The following CCDC73 variants were observed in gnomAD, a reference collection of about 807,000 sequenced individuals.
CCDC73 encodes the protein coiled-coil domain-containing protein 73.
A neutral mutation model predicts 116.5 loss-of-function variants in CCDC73; 95 were observed. The observed-to-expected ratio is 0.82, with a 90% CI of 0.69 to 0.97. The LOEUF (loss-of-function observed/expected upper bound fraction) is 0.97, where lower values mean the gene tolerates loss of function less well. Among genes scored for constraint, CCDC73 ranks in the 50% least tolerant of loss-of-function variants. CCDC73 has a pLI of 0.00. For synonymous variants in CCDC73, 398 were observed against 401.3 expected, an observed-to-expected ratio of 0.99 and a Z score of 0.10; for missense variants, 1,066 against 1,206.8, an observed-to-expected ratio of 0.88 and a Z score of 1.73.
chr11:32,626,460 G>T (rs1490816390), intron 14 of CCDC73, among the ~76,000 whole-genome samples: 3 of 151,958 alleles, frequency 2.0e-5, no homozygotes, highest in African/African-American at 7.3e-5. Flanking sequence ...TTTCTTCACA[G>T]AATTGGAAAA....
chr11:32,829,743 G>C, the CCDC73 span: 1 of 984,274 alleles, frequency 1.0e-6, no homozygotes, highest in Non-Finnish European at 1.2e-6. Flanking sequence ...CCGCCAAGGC[G>C]GGGCCAGAAC....
intron 2 of CCDC73, among the ~76,000 whole-genome samples, chr11:32,742,121 G>T (rs142550751): frequency 1.3e-5 from 2 of 152,074 alleles, no homozygotes; most frequent in African/African-American, 4.8e-5. Context: ...ATAAACATAC[G>T]TGTGCATGTG....
chr11:32,763,055 C>T (rs1417498959), intron 1 of CCDC73, among the ~76,000 whole-genome samples: 1 of 152,172 alleles, frequency 6.6e-6, no homozygotes, highest in Non-Finnish European at 1.5e-5. Context: ...TGAGGAAGGG[C>T]GCCCACCATT....
chr11:32,634,897 G>A (rs1855664206), intron 14 of CCDC73, among the ~76,000 whole-genome samples: 1 of 152,182 alleles, frequency 6.6e-6, no homozygotes, highest in Non-Finnish European at 1.5e-5. Flanking sequence ...TGAAGTGGGA[G>A]CATCACTTGA....
upstream of CCDC73, among the ~76,000 whole-genome samples, chr11:32,795,928 G>T (rs971930379): frequency 6.6e-6 from 1 of 152,140 alleles, no homozygotes; most frequent in Admixed American, 6.6e-5. Context: ...GACCTCAGGT[G>T]ATCTGCCCGC....
chr11:32,739,707 T>C (rs1359938764), intron 2 of CCDC73, among the ~76,000 whole-genome samples: 1 of 152,036 alleles, frequency 6.6e-6, no homozygotes, highest in Non-Finnish European at 1.5e-5. Flanking sequence ...CTGATTGCTC[T>C]AGCTAGGGCT....
chr11:32,617,548 C>T (rs1180240061), intron 14 of CCDC73, among the ~76,000 whole-genome samples: 1 of 152,108 alleles, frequency 6.6e-6, no homozygotes, highest in East Asian at 1.9e-4. Flanking sequence ...AGTGATACAT[C>T]AGGAGAGTGC....
chr11:32,709,812 C>T (rs189296245), intron 3 of CCDC73, among the ~76,000 whole-genome samples: 4 of 152,302 alleles, frequency 2.6e-5, no homozygotes, highest in Admixed American at 1.3e-4. Context: ...TGACAGAATT[C>T]AGCTGTGAAT....
intron 2 of CCDC73, among the ~76,000 whole-genome samples, chr11:32,734,429 T>C (rs1039260754): frequency 9.5e-5 from 13 of 137,322 alleles, no homozygotes; most frequent in South Asian, 4.2e-4. Context: ...TTTTTTCTTT[T>C]TTTTTTTTTT....
At chr11:32,814,565 T>C in the CCDC73 span, among the ~76,000 whole-genome samples, 1 of 152,238 alleles carries the variant, frequency 6.6e-6, no homozygotes, top group East Asian at 1.9e-4. Flanking sequence ...GAAATTAGAA[T>C]CCATTGCTAA....
intron 12 of CCDC73, among the ~76,000 whole-genome samples, chr11:32,649,300 G>A (rs1009440697): frequency 5.3e-5 from 8 of 151,978 alleles, no homozygotes; most frequent in Admixed American, 4.6e-4. Context: ...TTAATACTAT[G>A]AAAAAATACT....
chr11:32,663,062 C>G (rs1341421263), intron 9 of CCDC73, among the ~76,000 whole-genome samples: 1 of 152,068 alleles, frequency 6.6e-6, no homozygotes, highest in Non-Finnish European at 1.5e-5. Flanking sequence ...TGTTTTGGTA[C>G]CAGTACCATG....
At chr11:32,704,119 AGCCCTGT>A (rs1849835519) in intron 3 of CCDC73, among the ~76,000 whole-genome samples, 1 of 152,210 alleles carries the variant, frequency 6.6e-6, no homozygotes, top group South Asian at 2.1e-4. Context: ...TCCCAGCAGG[AGCCCTGT>A]GCCCTACTAA....
intron 2 of CCDC73, among the ~76,000 whole-genome samples, chr11:32,740,004 T>A (rs1227956106): frequency 6.6e-6 from 1 of 152,138 alleles, no homozygotes; most frequent in Non-Finnish European, 1.5e-5. Flanking sequence ...TGTGGAAACA[T>A]CCTTGGATCC....
intron 9 of CCDC73, among the ~76,000 whole-genome samples, chr11:32,666,932 CCT>C (rs1412097250): frequency 1.3e-5 from 2 of 152,132 alleles, no homozygotes; most frequent in African/African-American, 4.8e-5. Flanking sequence ...CACTCCAGAC[CCT>C]GTTTGCCTGG....
chr11:32,690,791 G>T (rs927636554), intron 6 of CCDC73, among the ~76,000 whole-genome samples: 1 of 152,106 alleles, frequency 6.6e-6, no homozygotes. Context: ...CCAGTCTCAG[G>T]TAGCTCTTTA....
chr11:32,816,158 G>C, the CCDC73 span, among the ~76,000 whole-genome samples: 2 of 152,144 alleles, frequency 1.3e-5, no homozygotes, highest in African/African-American at 4.8e-5. Context: ...AGGTATCTTT[G>C]AGACATCAAG....
chr11:32,750,810 A>G (rs1850281878), intron 2 of CCDC73, among the ~76,000 whole-genome samples: 1 of 152,138 alleles, frequency 6.6e-6, no homozygotes, highest in South Asian at 2.1e-4. Flanking sequence ...TCCCCACTGT[A>G]GCCAAGCTGG....
chr11:32,662,532 GT>G (rs1554963676), intron 9 of CCDC73, among the ~76,000 whole-genome samples: 19 of 148,982 alleles, frequency 1.3e-4, no homozygotes, highest in East Asian at 3.9e-4. Flanking sequence ...TGATGGGGTT[GT>G]TTTTTTTTTC....
Sources: gnomAD v4.1 joint callset for allele counts (sites outside exome capture counted in the v4.1 genomes callset) on GRCh38, gnomAD v4.1.1 for gene constraint, MANE v1.5 for transcripts, NCBI Gene and HGNC (gene_info 2026-07-23, HGNC 2026-07-21) for gene names.